PTK2B: variants seen among roughly 807,000 people sequenced by gnomAD.
The protein encoded by PTK2B is protein tyrosine kinase 2 beta.
PTK2B carries 71 observed loss-of-function variants against 142.9 expected under a neutral mutation model. The observed-to-expected ratio is 0.50, with a 90% CI of 0.41 to 0.61. PTK2B has a LOEUF of 0.61. Among genes scored for constraint, PTK2B ranks in the 20% least tolerant of loss-of-function variants. The probability of loss-of-function intolerance (pLI) is 0.00; values close to 1 mark genes in which losing one functional copy is unlikely to be tolerated. For synonymous variants in PTK2B, 519 were observed against 503.4 expected, an observed-to-expected ratio of 1.03 and a Z score of -0.42; for missense variants, 1,105 against 1,320.4, an observed-to-expected ratio of 0.84 and a Z score of 2.53.
chr8:27,419,846 G>A (rs750236507), intron 2 of PTK2B, 49 bp from the exon 3 acceptor site: 1 of 1,596,656 alleles, frequency 6.3e-7, no homozygotes, highest in Non-Finnish European at 8.6e-7. Context: ...AATTATGGGA[G>A]CCCAAAGGTG....
rs10093964 is a variant in PTK2B, at chr8:27,454,523, C to G, written c.2734-8C>G. ...AGTGGCGGCCATCCTGCCCCTTTCT[C>G]CCCCCAGAATGTGGGGCTGACCCTG... On this transcript the variant is annotated splice_region_variant and splice_polypyrimidine_tract_variant and intron_variant, in intron 29 of 30. Coordinates refer to ENST00000346049, the MANE Select transcript of PTK2B (RefSeq NM_173176.3). 8 of 1,613,330 alleles carry G rather than the reference C, an allele frequency of 5.0e-6. No individual in the cohort carries two copies. Among genetic ancestry groups the G allele is most frequent in the Non-Finnish European group, 6.8e-6 (8 of 1,179,480 alleles).
At chr8:27,415,384 G>T (rs957499176) in intron 2 of PTK2B, among the ~76,000 whole-genome samples, 9 of 152,162 alleles carry the variant, frequency 5.9e-5, no homozygotes, top group Non-Finnish European at 1.3e-4. Flanking sequence ...TCTCCCATTT[G>T]CAGAGAACAC....
chr8:27,336,988 C>T (rs540761214), intron 1 of PTK2B, among the ~76,000 whole-genome samples: 22 of 150,856 alleles, frequency 1.5e-4, no homozygotes, highest in South Asian at 4.2e-4. Flanking sequence ...CCCCTCCCCC[C>T]GCCACTGCCA....
chr8:27,457,231 G>A (rs928373152), intron 30 of PTK2B, among the ~76,000 whole-genome samples: 16 of 152,204 alleles, frequency 1.1e-4, no homozygotes, highest in African/African-American at 3.6e-4. Context: ...AGGGGCTAAT[G>A]CCAGTTGAAG....
chr8:27,385,773 A>G (rs936286263), intron 1 of PTK2B, among the ~76,000 whole-genome samples: 1 of 151,678 alleles, frequency 6.6e-6, no homozygotes, highest in African/African-American at 2.4e-5. Flanking sequence ...GGCACCTATA[A>G]TCCCAGCTAC....
At chr8:27,342,530 G>C (rs763688699) in intron 1 of PTK2B, among the ~76,000 whole-genome samples, 30 of 152,050 alleles carry the variant, frequency 2.0e-4, no homozygotes, top group Non-Finnish European at 3.8e-4. Context: ...TGACGACTTG[G>C]TTGGCTTCCC....
Position 27,422,885 on chromosome 8 carries a change from C to T in PTK2B, c.551+502C>T, listed in dbSNP as rs7828308. Among the ~76,000 whole-genome samples, 1,103 of 152,182 alleles carry T rather than the reference C, an allele frequency of 7.2e-3. 10 individuals carry two copies. Among genetic ancestry groups the T allele is most frequent in the Admixed American group, 0.026 (397 of 15,282 alleles). ...GATGTGTATACAATTAATCATAATA[C>T]GAGGCAGAATGAGGATGGCACCAAC... is the stretch of plus-strand genomic sequence containing the variant. On this transcript the variant is annotated intron_variant, in intron 5 of 30. Transcript: ENST00000346049.
intron 1 of PTK2B, among the ~76,000 whole-genome samples, chr8:27,359,367 C>T (rs542188962): frequency 3.7e-4 from 57 of 152,328 alleles, no homozygotes; most frequent in Non-Finnish European, 7.6e-4. Flanking sequence ...CTGCCTGCCT[C>T]AGCCTCCCAA....
intron 1 of PTK2B, among the ~76,000 whole-genome samples, chr8:27,374,452 G>A (rs959021200): frequency 2.0e-5 from 3 of 152,256 alleles, no homozygotes; most frequent in African/African-American, 7.2e-5. Flanking sequence ...TGGGTCAGGA[G>A]GCAGAGAGAG....
chr8:27,424,646 T>G (rs1036262849), intron 5 of PTK2B, among the ~76,000 whole-genome samples: 2 of 152,194 alleles, frequency 1.3e-5, no homozygotes, highest in African/African-American at 4.8e-5. Context: ...ATGCAGTTAT[T>G]TGTTATGATG....
chr8:27,337,140 C>G (rs1384725704), intron 1 of PTK2B, among the ~76,000 whole-genome samples: 1 of 151,284 alleles, frequency 6.6e-6, no homozygotes, highest in East Asian at 2.0e-4. Flanking sequence ...ACCATCACCG[C>G]TTTTTTTCTT....
Position 27,422,202 on chromosome 8 carries a change from C to T in PTK2B, c.472-102C>T, listed in dbSNP as rs985387750. On this transcript the variant is annotated intron_variant, in intron 4 of 30. Coordinates refer to ENST00000346049, the MANE Select transcript of PTK2B (RefSeq NM_173176.3). ...TGTTTGTGGTGGGGTGGGTGGCTGT[C>T]ACTCAGGGAGGCAGAATGAGGCCCT... 11 of 1,130,502 alleles carry T rather than the reference C, an allele frequency of 9.7e-6. No homozygotes were observed. In the African/African-American group the frequency reaches 1.6e-4, roughly 16 times the overall value. 70.0% of individuals were successfully genotyped at this position (1,130,502 alleles called of 1,614,324 possible).
At chr8:27,442,205 A>G (rs183385412) in intron 21 of PTK2B, among the ~76,000 whole-genome samples, 47 of 152,350 alleles carry the variant, frequency 3.1e-4, no homozygotes, top group Non-Finnish European at 1.6e-4. Flanking sequence ...ATGCATTTTT[A>G]TTATACATAA....
chr8:27,322,301 G>A (rs752528339), upstream of PTK2B: 9 of 152,172 alleles, frequency 5.9e-5, no homozygotes, highest in Non-Finnish European at 1.3e-4. Flanking sequence ...GTTACATAAT[G>A]TCGCAGCCCT....
In PTK2B at chr8:27,431,020, A is replaced by T. The variant is rs1414483976; in HGVS notation, c.810+4A>T. On this transcript the variant is annotated splice_donor_region_variant and intron_variant, in intron 8 of 30. Coordinates refer to ENST00000346049, the MANE Select transcript of PTK2B (RefSeq NM_173176.3). ...GACCTACCGCTGTGAACTCATTGTA[A>T]TGGCGGGCTCTCTTGATCCTCTCCC... 6.2e-7 allele frequency: 1 copy of T among 1,611,944 alleles called. No individual in the cohort carries two copies. Among genetic ancestry groups the T allele is most frequent in the Non-Finnish European group, 8.5e-7 (1 of 1,178,850 alleles).
intron 27 of PTK2B, 196 bp downstream of exon 27, chr8:27,451,705 A>G: frequency 7.0e-7 from 1 of 1,434,214 alleles, no homozygotes; most frequent in Admixed American, 2.7e-5. Context: ...CTCCCTGCCT[A>G]GCACCCTGCC....
chr8:27,407,342 C>T (rs1469513175), intron 2 of PTK2B, among the ~76,000 whole-genome samples: 3 of 152,160 alleles, frequency 2.0e-5, no homozygotes, highest in Non-Finnish European at 2.9e-5. Flanking sequence ...TTTTTCTTTG[C>T]CCTGGGAACA....
chr8:27,400,197 G>C (rs1403548621), intron 2 of PTK2B, among the ~76,000 whole-genome samples: 1 of 152,084 alleles, frequency 6.6e-6, no homozygotes, highest in Admixed American at 6.5e-5. Flanking sequence ...GGGAATGTGT[G>C]GTCAAAAAGA....
intron 3 of PTK2B, among the ~76,000 whole-genome samples, chr8:27,318,110 G>T (rs1300519314): frequency 6.6e-6 from 1 of 152,144 alleles, no homozygotes; most frequent in South Asian, 2.1e-4. Flanking sequence ...AGTTAATGAA[G>T]TATGCAGGGT....
Sources: allele counts gnomAD v4.1 joint callset (sites outside exome capture counted in the v4.1 genomes callset), GRCh38; gene constraint gnomAD v4.1.1; transcripts MANE v1.5; gene names NCBI Gene and HGNC (gene_info 2026-07-23, HGNC 2026-07-21).